RBKS: variants seen among roughly 807,000 people sequenced by gnomAD.
RBKS encodes ribokinase.
RBKS carries 33 observed loss-of-function variants against 33.9 expected under a neutral mutation model. That is an observed-to-expected ratio of 0.97 (90% CI 0.74 to 1.30). RBKS has a LOEUF of 1.30. Among genes scored for constraint, RBKS ranks in the 50% most tolerant of loss-of-function variants. The pLI, the probability that RBKS is intolerant of heterozygous loss-of-function variation, is 0.00. For synonymous variants in RBKS, 125 were observed against 143.0 expected, an observed-to-expected ratio of 0.87 and a Z score of 0.90; for missense variants, 361 against 392.6, an observed-to-expected ratio of 0.92 and a Z score of 0.68.
chr2:27,841,820 C>A (rs1377292125), intron 5 of RBKS, among the ~76,000 whole-genome samples: 3 of 151,668 alleles, frequency 2.0e-5, no homozygotes, highest in Non-Finnish European at 4.4e-5. Context: ...GTGTGGTTCT[C>A]TATTTTATTC....
intron 7 of RBKS, among the ~76,000 whole-genome samples, chr2:27,798,924 G>A (rs1016255564): frequency 6.6e-6 from 1 of 152,096 alleles, no homozygotes. Flanking sequence ...TGCTGTCCCG[G>A]AAACCACCAG....
intron 1 of RBKS, among the ~76,000 whole-genome samples, chr2:27,881,433 C>T (rs1008843445): frequency 2.6e-5 from 4 of 151,472 alleles, no homozygotes; most frequent in African/African-American, 7.3e-5. Flanking sequence ...CCCAGTTACT[C>T]GGGAGGCTGA....
At chr2:27,786,129 C>G (rs1035321285) in intron 7 of RBKS, among the ~76,000 whole-genome samples, 1 of 152,112 alleles carries the variant, frequency 6.6e-6, no homozygotes, top group Non-Finnish European at 1.5e-5. Flanking sequence ...AAATACCTAT[C>G]TATATGAGCA....
At chr2:27,821,040 C>CAAAAAAA (rs59964452) in intron 7 of RBKS, among the ~76,000 whole-genome samples, 1 of 68,444 alleles carries the variant, frequency 1.5e-5, no homozygotes, top group Non-Finnish European at 3.2e-5. Flanking sequence ...AACTCCATCT[C>CAAAAAAA]AAAAAAAAAA....
intron 5 of RBKS, among the ~76,000 whole-genome samples, chr2:27,833,137 T>C (rs1558544740): frequency 6.6e-6 from 1 of 152,170 alleles, no homozygotes; most frequent in Non-Finnish European, 1.5e-5. Context: ...CTGGTGGACA[T>C]TTTTGTGGGT....
Position 27,827,713 on chromosome 2 carries a change from C to G in RBKS, c.649G>C (p.Ala217Pro). 1 of 1,612,608 alleles carries G rather than the reference C, an allele frequency of 6.2e-7. No individual in the cohort carries two copies. ...TGLTVGSAAD[A>P]GEAALVLLKR... is the part of the protein sequence containing the mutation. ...AAGAGCACTAATGCAGCCTCCCCAG[C>G]ATCTGCAGCGCTGCCCACCGTGAGG... Residue 217 changes from alanine (A) to proline (P), a missense_variant, in exon 7 of 8, where the codon GCT (alanine) becomes CCT (proline). Physicochemically the swap from Ala to Pro is conservative, Grantham distance 27. Coordinates refer to ENST00000302188, the MANE Select transcript of RBKS (RefSeq NM_022128.3).
At chr2:27,872,336 G>A (rs1664230491) in intron 1 of RBKS, among the ~76,000 whole-genome samples, 1 of 152,010 alleles carries the variant, frequency 6.6e-6, no homozygotes, top group Non-Finnish European at 1.5e-5. Flanking sequence ...AAAGAAAAAA[G>A]TAGTGCAGTT....
rs776899871 is a variant in RBKS at position 27,781,765 on chromosome 2, T to G, written c.819A>C (p.Gly273=). Residue 273 remains glycine (G), a synonymous_variant, in exon 8 of 8, where the codon GGA becomes GGC. Coordinates refer to ENST00000302188, the MANE Select transcript of RBKS (RefSeq NM_022128.3). ...DTTGAGDSFV[G]ALAFYLAYYP... ...AGTAAGCCAGGTAGAAGGCCAGAGC[T>G]CCCACAAAGCTGTCACCAGCACCCT... 1.9e-6 allele frequency: 3 copies of G among 1,613,296 alleles called. No homozygotes were observed. Among genetic ancestry groups the G allele is most frequent in the African/African-American group, 2.7e-5 (2 of 74,852 alleles).
chr2:27,821,334 G>A (rs542160241), intron 7 of RBKS, among the ~76,000 whole-genome samples: 1 of 151,606 alleles, frequency 6.6e-6, no homozygotes, highest in East Asian at 1.9e-4. Flanking sequence ...ATTATTCTAG[G>A]GAAATACTTG....
chr2:27,787,389 T>C lies in RBKS; in HGVS notation c.796-5601A>G, dbSNP rs113454365. On this transcript the variant is annotated intron_variant, in intron 7 of 7. Transcript: ENST00000302188. The stretch of plus-strand genomic sequence containing the variant: ...TCAAGCCCGCAGTGAGCCGTGATCA[T>C]GTCACTGCACTCCAGCCTGGGCGAA... Among the ~76,000 whole-genome samples the C allele has an allele frequency of 5.5e-3, 841 of 152,294 alleles. 9 individuals are homozygous for C. The highest frequency in any genetic ancestry group is 0.019 in the African/African-American group (794 of 41,568).
chr2:27,807,031 C>T lies in RBKS; in HGVS notation c.795+20536G>A, dbSNP rs144764332. ...GGTGAGGGATCAAGCTAGGGAACTCCACCATTGGCCAAAACCAATGGGCAA... is the reference window on the plus strand; with the variant it reads ...GGTGAGGGATCAAGCTAGGGAACTCTACCATTGGCCAAAACCAATGGGCAA... On this transcript the variant is annotated intron_variant, in intron 7 of 7. Transcript: ENST00000302188. Among the ~76,000 whole-genome samples, 1,286 of 152,318 alleles carry T rather than the reference C, an allele frequency of 8.4e-3. 8 individuals are homozygous for T. The highest frequency in any genetic ancestry group is 1.0e-2 in the African/African-American group (414 of 41,554).
intron 5 of RBKS, among the ~76,000 whole-genome samples, chr2:27,835,584 ATTTTT>A (rs34787188): frequency 8.0e-6 from 1 of 125,586 alleles, no homozygotes; most frequent in Admixed American, 8.0e-5. Flanking sequence ...TGCTTGGGCA[ATTTTT>A]TTTTTTTTTT....
intron 1 of RBKS, among the ~76,000 whole-genome samples, chr2:27,884,223 A>C (rs1358651383): frequency 1.3e-5 from 2 of 152,164 alleles, no homozygotes; most frequent in African/African-American, 4.8e-5. Flanking sequence ...AAACAAATAC[A>C]AACTTTGATA....
At chr2:27,883,894 C>T (rs1262936088) in intron 1 of RBKS, among the ~76,000 whole-genome samples, 1 of 152,096 alleles carries the variant, frequency 6.6e-6, no homozygotes, top group African/African-American at 2.4e-5. Flanking sequence ...ATTAAAGGGA[C>T]ATACCAAATT....
chr2:27,885,145 A>G (rs1202504401), intron 1 of RBKS, among the ~76,000 whole-genome samples: 1 of 152,086 alleles, frequency 6.6e-6, no homozygotes, highest in African/African-American at 2.4e-5. Context: ...CTTTCTCTGC[A>G]TACAATCTTC....
chr2:27,823,737 T>C (rs1388515301), intron 7 of RBKS, among the ~76,000 whole-genome samples: 1 of 152,174 alleles, frequency 6.6e-6, no homozygotes, highest in East Asian at 1.9e-4. Context: ...AGAAAATCAC[T>C]ACCCTGGTTC....
In RBKS at chr2:27,842,993, A is replaced by T. The variant is rs183498317; in HGVS notation, c.514+74T>A. The T allele has an allele frequency of 3.5e-6, 4 of 1,151,166 alleles. No homozygotes were observed. In the Admixed American group the frequency reaches 1.1e-4, roughly 31 times the overall value. The allele number at this position is 1,151,166 out of a possible 1,614,324, so 71.3% of individuals were successfully genotyped here. The stretch of plus-strand genomic sequence containing the variant: ...CGACAGAAAGAGTATTGCTTTGCTT[A>T]ACTTAAAAGGTTAACTTTAATTAAG... On this transcript the variant is annotated intron_variant, in intron 5 of 7. Coordinates refer to ENST00000302188, the MANE Select transcript of RBKS (RefSeq NM_022128.3).
At chr2:27,818,839 A>G (rs542023029) in intron 7 of RBKS, among the ~76,000 whole-genome samples, 2 of 152,314 alleles carry the variant, frequency 1.3e-5, no homozygotes, top group African/African-American at 4.8e-5. Flanking sequence ...AGCCCCAAAC[A>G]TAAGACATCA....
At chr2:27,783,569 T>C (rs955249878) in intron 7 of RBKS, among the ~76,000 whole-genome samples, 9 of 152,100 alleles carry the variant, frequency 5.9e-5, no homozygotes, top group Non-Finnish European at 1.2e-4. Flanking sequence ...TGTCTAACAA[T>C]TGTGTTCAGG....
Sources: allele counts gnomAD v4.1 joint callset (sites outside exome capture counted in the v4.1 genomes callset), GRCh38; gene constraint gnomAD v4.1.1; transcripts MANE v1.5; gene names NCBI Gene and HGNC (gene_info 2026-07-23, HGNC 2026-07-21).